Variants in CFAP300 observed in about 807,000 individuals in gnomAD.
CFAP300 encodes the protein cilia and flagella associated protein 300, also known as cilia- and flagella-associated protein 300.
Under a neutral mutation model 33.0 loss-of-function variants are expected in CFAP300, and 32 were observed. That is an observed-to-expected ratio of 0.97 (90% CI 0.73 to 1.30). The LOEUF is 1.30. CFAP300 is among the 50% of genes most tolerant of loss of function. The pLI is 0.00. For missense variants in CFAP300, 356 were observed against 318.1 expected (o/e 1.12, Z -0.90); for synonymous variants, 102 against 106.8 (o/e 0.95, Z 0.28).
In CFAP300 at chr11:102,054,555, C is replaced by CG. The variant is rs72225920; in HGVS notation, c.193-4325_193-4324insG. 0.015 allele frequency among the ~76,000 whole-genome samples: 5 copies of CG among 332 alleles called. 1 individual carries two copies. The South Asian group carries it at 0.31, about 21-fold the overall frequency. 0.2% of individuals were successfully genotyped at this position (332 alleles called of 152,430 possible). A position where few individuals can be genotyped will look rare whatever the true frequency, so the allele number is the denominator to read the frequency against. On this transcript the variant is annotated intron_variant, in intron 2 of 6. Coordinates refer to ENST00000434758, the MANE Select transcript of CFAP300 (RefSeq NM_032930.3). The stretch of plus-strand genomic sequence containing the variant: ...AGACCAGCCTGGCCAACATGGCAAA[C>CG]CTGTCTCTATTAAAAATACAAAAAT...
chr11:102,047,713 G>A (rs1312866979), intron 1 of CFAP300, 102 bp from the exon 2 acceptor site: 2 of 1,487,302 alleles, frequency 1.3e-6, no homozygotes, highest in Non-Finnish European at 1.8e-6. Flanking sequence ...AGTGAACCCC[G>A]AACCACCCGG....
chr11:102,056,783 C>G (rs577632653), intron 2 of CFAP300, among the ~76,000 whole-genome samples: 10 of 152,014 alleles, frequency 6.6e-5, no homozygotes, highest in African/African-American at 2.2e-4. Context: ...GCCACCATGC[C>G]CAGCTAATTT....
At chr11:102,047,607 A>G in intron 1 of CFAP300, 27 bp downstream of exon 1, 1 of 1,529,498 alleles carries the variant, frequency 6.5e-7, no homozygotes, top group Middle Eastern at 1.7e-4. Flanking sequence ...CAGGGAGAGA[A>G]GAGGCCCTTG....
chr11:102,070,672 A>G (rs1399906110), intron 4 of CFAP300, among the ~76,000 whole-genome samples: 3 of 152,104 alleles, frequency 2.0e-5, no homozygotes, highest in Admixed American at 1.3e-4. Context: ...TTTTTGATGT[A>G]GGCATTTTTT....
Position 102,047,477 on chromosome 11 carries a change from A to G in CFAP300, c.7A>G (p.Thr3Ala), listed in dbSNP as rs114055321. The part of the protein sequence containing the change: MA[T>A]GELGDLGGYY... The stretch of plus-strand genomic sequence containing the variant: ...CCACCCAGCCGAGAGCACGATGGCT[A>G]CTGGGGAGCTCGGGGACTTGGGTGG... Residue 3 changes from threonine to alanine, a missense_variant, in exon 1 of 7, where the codon ACT becomes GCT. Thr to Ala is a moderately conservative substitution (Grantham distance 58). Transcript: ENST00000434758. The G allele has an allele frequency of 5.2e-4, 806 of 1,535,794 alleles. 3 individuals are homozygous for G. In the African/African-American group the frequency reaches 0.01, roughly 19 times the overall value.
chr11:102,078,322 C>A (rs1942428242), intron 5 of CFAP300, among the ~76,000 whole-genome samples: 1 of 152,112 alleles, frequency 6.6e-6, no homozygotes, highest in Admixed American at 6.5e-5. Context: ...TATATTATGT[C>A]CAAACCATTA....
At chr11:102,059,991 TGA>T (rs1942124907) in intron 3 of CFAP300, among the ~76,000 whole-genome samples, 2 of 152,044 alleles carry the variant, frequency 1.3e-5, no homozygotes, top group Middle Eastern at 3.4e-3. Flanking sequence ...ACTTGTTTTT[TGA>T]GACAGTGTCT....
Position 102,076,030 on chromosome 11 carries a change from A to T in CFAP300, c.593A>T (p.Tyr198Phe), listed in dbSNP as rs758501351. 3 of 1,611,446 alleles carry T rather than the reference A, an allele frequency of 1.9e-6. No homozygotes were observed. The East Asian group carries it at 6.7e-5, about 36-fold the overall frequency. The change falls in exon 5 of 7, where the codon TAT (tyrosine) becomes TTT (phenylalanine). Residue 198 changes from tyrosine to phenylalanine, a missense_variant. Transcript: ENST00000434758. The part of the protein sequence containing the change: ...SPYLETTKLI[Y>F]KDLVSVRKNP... ...TATCTGGAAACAACAAAGCTTATCT[A>T]TAAGGATCTGGTGAGGTAATGTTGC...
chr11:102,081,553 A>T, intron 6 of CFAP300: 1 of 483,598 alleles, frequency 2.1e-6, no homozygotes, highest in Non-Finnish European at 3.6e-6. Flanking sequence ...AGTAGAACAC[A>T]GTTCTCTTAG....
At chr11:102,069,836 G>A (rs931312104) in intron 4 of CFAP300, among the ~76,000 whole-genome samples, 1 of 151,990 alleles carries the variant, frequency 6.6e-6, no homozygotes, top group East Asian at 1.9e-4. Flanking sequence ...TCATGGTGGC[G>A]TGTACCTGTA....
chr11:102,060,089 A>C (rs1455290245), intron 3 of CFAP300, among the ~76,000 whole-genome samples: 1 of 152,146 alleles, frequency 6.6e-6, no homozygotes, highest in Non-Finnish European at 1.5e-5. Context: ...CTCCTGCCTC[A>C]GCCTCCCAGG....
intron 2 of CFAP300, among the ~76,000 whole-genome samples, chr11:102,049,854 A>G (rs1209463876): frequency 6.6e-6 from 1 of 152,080 alleles, no homozygotes; most frequent in African/African-American, 2.4e-5. Context: ...ATGTTAAGAA[A>G]AAAAAAAAGT....
intron 2 of CFAP300, among the ~76,000 whole-genome samples, chr11:102,049,345 C>G (rs1941934889): frequency 6.6e-6 from 1 of 152,176 alleles, no homozygotes; most frequent in African/African-American, 2.4e-5. Flanking sequence ...ATCTCTTCTT[C>G]TTATAGAGAC....
chr11:102,072,915 T>A (rs1591324635), intron 4 of CFAP300, among the ~76,000 whole-genome samples: 1 of 152,192 alleles, frequency 6.6e-6, no homozygotes, highest in African/African-American at 2.4e-5. Flanking sequence ...ATCACTGGTG[T>A]CTGTGTTTTC....
At chr11:102,047,759 T>C (rs1941904456) in intron 1 of CFAP300, 56 bp from the exon 2 acceptor site, 1 of 1,588,224 alleles carries the variant, frequency 6.3e-7, no homozygotes, top group Admixed American at 1.7e-5. Flanking sequence ...CGGTTATCGG[T>C]GCGCTCTGAG....
At chr11:102,048,113 T>A (rs528432714) in intron 2 of CFAP300, among the ~76,000 whole-genome samples, 1 of 152,346 alleles carries the variant, frequency 6.6e-6, no homozygotes, top group East Asian at 1.9e-4. Context: ...CTTTCTCTAC[T>A]TTCAGCATCT....
chr11:102,061,335 G>A (rs183367290), intron 3 of CFAP300, among the ~76,000 whole-genome samples: 94 of 151,714 alleles, frequency 6.2e-4, no homozygotes, highest in Non-Finnish European at 1.1e-3. Flanking sequence ...TTCCTCTGGG[G>A]CCCTTTTAAA....
At chr11:102,067,959 T>G (rs1158061527) in intron 4 of CFAP300, among the ~76,000 whole-genome samples, 1 of 152,194 alleles carries the variant, frequency 6.6e-6, no homozygotes, top group African/African-American at 2.4e-5. Flanking sequence ...TTACAATTAT[T>G]GAGAGTATTA....
At chr11:102,072,372 C>T (rs1942325303) in intron 4 of CFAP300, among the ~76,000 whole-genome samples, 1 of 152,060 alleles carries the variant, frequency 6.6e-6, no homozygotes, top group Admixed American at 6.5e-5. Flanking sequence ...ATTTCTCATT[C>T]ATATCCTGAA....
Sources: allele counts gnomAD v4.1 joint callset (sites outside exome capture counted in the v4.1 genomes callset), GRCh38; gene constraint gnomAD v4.1.1; transcripts MANE v1.5; gene names NCBI Gene and HGNC (gene_info 2026-07-23, HGNC 2026-07-21).